The following SATB2 variants were observed in gnomAD, a reference collection of about 807,000 sequenced individuals.
The protein encoded by SATB2 is SATB homeobox 2.
SATB2 carries 1 observed loss-of-function variant against 73.4 expected under a neutral mutation model. The ratio of observed to expected loss-of-function variants is 0.01; its 90% CI spans 0.00 to 0.06. The LOEUF (loss-of-function observed/expected upper bound fraction) is 0.06, where lower values mean the gene tolerates loss of function less well. Ranked by LOEUF, SATB2 falls within the 10% of genes least tolerant of loss-of-function variation. SATB2 has a pLI of 1.00. For missense variants in SATB2, 459 were observed against 945.8 expected (o/e 0.49, Z 6.75); for synonymous variants, 397 against 367.0 (o/e 1.08, Z -0.93).
Position 199,408,825 on chromosome 2 carries a change from G to C in SATB2, c.346+24513C>G, listed in dbSNP as rs1392991451. On this transcript the variant is annotated intron_variant, in intron 3 of 10. Coordinates refer to ENST00000417098, the MANE Select transcript of SATB2 (RefSeq NM_001172509.2). ...TAGTAAAACAAGAGCAAATGGTGAT[G>C]TCTACAGCCTCACCAAAAAGTGAGC... 2.6e-5 allele frequency among the ~76,000 whole-genome samples: 4 copies of C among 152,266 alleles called. No individual in the cohort carries two copies. The East Asian group carries it at 7.7e-4, about 29-fold the overall frequency.
At chr2:199,300,364 T>C (rs1687245553) in intron 10 of SATB2, among the ~76,000 whole-genome samples, 1 of 147,698 alleles carries the variant, frequency 6.8e-6, no homozygotes, top group South Asian at 2.1e-4. Context: ...TTTATTTTCC[T>C]ACCAAAATGT....
intron 3 of SATB2, among the ~76,000 whole-genome samples, chr2:199,411,004 C>G (rs77264465): frequency 6.6e-6 from 1 of 151,906 alleles, no homozygotes; most frequent in Non-Finnish European, 1.5e-5. Context: ...ATTAAAGAAG[C>G]CCAAGTAGTA....
chr2:199,348,782 G>T lies in SATB2; in HGVS notation c.1092C>A (p.Ile364=). ...TNSSVEVSPD[I]YQQVRDELKR... ...TCAGCTCATCTCTGACTTGCTGGTA[G>T]ATATCTGGAGAGACTTCCACGGAAG... Residue 364 remains isoleucine (I), a synonymous_variant, in exon 7 of 11, where the codon ATC becomes ATA. Transcript: ENST00000417098. 6.2e-7 allele frequency: 1 copy of T among 1,607,564 alleles called. No homozygotes were observed. Among genetic ancestry groups the T allele is most frequent in the Non-Finnish European group, 8.5e-7 (1 of 1,175,298 alleles).
rs151237708 is a variant in SATB2 at position 199,309,200 on chromosome 2, C to A, written c.1543-243G>T. Among the ~76,000 whole-genome samples the A allele has an allele frequency of 1.7e-4, 26 of 152,314 alleles. No individual in the cohort carries two copies. The East Asian group carries it at 4.8e-3, about 28-fold the overall frequency. ...TATCACCCTGCCTATAGAATATATT[C>A]TCAATTGCAGTTTCTCTGTAAAAGA... On this transcript the variant is annotated intron_variant, in intron 9 of 10. Transcript: ENST00000417098.
At chr2:199,396,148 C>G (rs1169871024) in intron 3 of SATB2, 6 of 152,166 alleles carry the variant, frequency 3.9e-5, no homozygotes, top group Admixed American at 3.9e-4. Context: ...GCAGATAGGG[C>G]CCAATTTGTC....
chr2:199,349,317 A>G, intron 6 of SATB2, 144 bp from the exon 7 acceptor site: 1 of 680,510 alleles, frequency 1.5e-6, no homozygotes, highest in Non-Finnish European at 2.5e-6. Context: ...CCAGCATAAA[A>G]GTGATATTCT....
rs541366743 is a variant in SATB2, at chr2:199,320,551, G to C, written c.1542+3252C>G. Reference sequence around the variant, plus strand: ...AATCACCAAGGGACTAACTAGAGCTGAGCTGCAGGAGGTGGTCTGGGACCC... The same window carrying C: ...AATCACCAAGGGACTAACTAGAGCTCAGCTGCAGGAGGTGGTCTGGGACCC... On this transcript the variant is annotated intron_variant, in intron 9 of 10. Transcript: ENST00000417098. Among the ~76,000 whole-genome samples, 9 of 152,230 alleles carry C rather than the reference G, an allele frequency of 5.9e-5. No homozygotes were observed. The East Asian group carries it at 1.5e-3, about 26-fold the overall frequency.
intron 3 of SATB2, chr2:199,396,238 T>C (rs1690296762): frequency 6.6e-6 from 1 of 152,222 alleles, no homozygotes; most frequent in Non-Finnish European, 1.5e-5. Flanking sequence ...GGTACCAAAA[T>C]ATTTTCTTAA....
intron 4 of SATB2, among the ~76,000 whole-genome samples, chr2:199,380,708 A>G (rs992125477): frequency 1.3e-5 from 2 of 152,186 alleles, no homozygotes; most frequent in Admixed American, 1.3e-4. Flanking sequence ...ATCCAAGAAA[A>G]ATAGTCATTT....
chr2:199,293,759 T>C (rs1007912036), intron 10 of SATB2, among the ~76,000 whole-genome samples: 51 of 152,164 alleles, frequency 3.4e-4, no homozygotes, highest in African/African-American at 1.1e-3. Flanking sequence ...CCACCATGTC[T>C]GTGAGATCAC....
At position 199,308,595 on chromosome 2, in the gene SATB2, T is replaced by C. The variant is rs1013753003; in HGVS notation, c.1740+165A>G. 9.2e-5 allele frequency among the ~76,000 whole-genome samples: 14 copies of C among 151,666 alleles called. No individual in the cohort carries two copies. The highest frequency in any genetic ancestry group is 7.4e-5 in the Non-Finnish European group (5 of 67,876). On this transcript the variant is annotated intron_variant, in intron 10 of 10. Coordinates refer to ENST00000417098, the MANE Select transcript of SATB2 (RefSeq NM_001172509.2). The surrounding 1 kb of genome is among the most constrained non-coding windows in gnomAD (Gnocchi z 4.6). ...ACATGCACACACACACACATACACA[T>C]ACACACAGTACCCACTGTGACGACA... is the stretch of plus-strand genomic sequence containing the variant.
At chr2:199,398,011 G>A (rs909276816) in intron 3 of SATB2, among the ~76,000 whole-genome samples, 2 of 152,220 alleles carry the variant, frequency 1.3e-5, no homozygotes, top group African/African-American at 4.8e-5. Context: ...TTGTCAGGAT[G>A]TTAGAATTAA....
intron 6 of SATB2, among the ~76,000 whole-genome samples, chr2:199,361,824 C>G (rs1689146404): frequency 6.9e-6 from 1 of 143,888 alleles, no homozygotes. Context: ...GTGGCGCAAT[C>G]TCAGCTCACT....
At chr2:199,289,459 C>A (rs1207979682) in intron 10 of SATB2, among the ~76,000 whole-genome samples, 1 of 152,152 alleles carries the variant, frequency 6.6e-6, no homozygotes, top group African/African-American at 2.4e-5. Flanking sequence ...CCATGCTACT[C>A]CCACAAGGCC....
upstream of SATB2, among the ~76,000 whole-genome samples, chr2:199,465,843 G>A (rs1417621087): frequency 1.3e-5 from 2 of 152,190 alleles, no homozygotes; most frequent in Non-Finnish European, 2.9e-5. Flanking sequence ...GAAATGAAGA[G>A]TATTTCTGAA....
intron 3 of SATB2, among the ~76,000 whole-genome samples, chr2:199,423,040 C>T (rs530751979): frequency 3.2e-4 from 48 of 152,186 alleles, no homozygotes; most frequent in African/African-American, 1.1e-3. Context: ...TAGTTTTAAT[C>T]CTCAAAACAT....
At chr2:199,358,294 A>C (rs185169931) in intron 6 of SATB2, among the ~76,000 whole-genome samples, 75 of 152,260 alleles carry the variant, frequency 4.9e-4, no homozygotes, top group African/African-American at 1.5e-3. Context: ...AATTTATTAT[A>C]CAAAAAAAAA....
intron 2 of SATB2, among the ~76,000 whole-genome samples, chr2:199,441,270 A>T (rs1330582195): frequency 6.6e-6 from 1 of 152,196 alleles, no homozygotes; most frequent in Non-Finnish European, 1.5e-5. Flanking sequence ...ATTCAATAAT[A>T]TTGAATAAGA....
At chr2:199,274,834 A>C (rs1435542763) in intron 10 of SATB2, among the ~76,000 whole-genome samples, 1 of 109,372 alleles carries the variant, frequency 9.1e-6, no homozygotes. Flanking sequence ...AGCTCCAGGG[A>C]TGGGGGGTGG....
Sources: allele counts gnomAD v4.1 joint callset (sites outside exome capture counted in the v4.1 genomes callset), GRCh38; gene constraint gnomAD v4.1.1; non-coding constraint Gnocchi (gnomAD v3.1); transcripts MANE v1.5; gene names NCBI Gene and HGNC (gene_info 2026-07-23, HGNC 2026-07-21).